The following GPC3 variants were observed in gnomAD, a reference collection of about 807,000 sequenced individuals.
The protein encoded by GPC3 is glypican 3.
A neutral mutation model predicts 34.4 loss-of-function variants in GPC3; 3 were observed. The observed-to-expected ratio is 0.09, with a 90% CI of 0.04 to 0.23. The LOEUF is 0.23. Among genes scored for constraint, GPC3 ranks in the 10% least tolerant of loss-of-function variants. The probability of loss-of-function intolerance (pLI) is 1.00; values close to 1 mark genes in which losing one functional copy is unlikely to be tolerated. For missense variants in GPC3, 351 were observed against 445.6 expected, an observed-to-expected ratio of 0.79 and a Z score of 1.91; for synonymous variants, 177 against 174.0, an observed-to-expected ratio of 1.02 and a Z score of -0.13.
At chrX:133,627,955 C>G (rs1006615077) in intron 6 of GPC3, among the ~76,000 whole-genome samples, 1 of 112,283 alleles carries the variant, frequency 8.9e-6, no homozygotes, top group African/African-American at 3.2e-5. Flanking sequence ...TTACAAGACT[C>G]CCTGTTTGCA....
chrX:133,827,944 CAAAAAAAAAAAA>C (rs760699432), intron 2 of GPC3, among the ~76,000 whole-genome samples: 9 of 36,025 alleles, frequency 2.5e-4, no homozygotes, highest in Non-Finnish European at 2.3e-4. Flanking sequence ...AACTCCATCC[CAAAAAAAAAAAA>C]AAAAAAAAAA....
intron 2 of GPC3, among the ~76,000 whole-genome samples, chrX:133,875,958 T>A (rs770997119): frequency 6.2e-4 from 69 of 111,765 alleles, no homozygotes; most frequent in African/African-American, 2.2e-3. Context: ...TCAGTATAAG[T>A]GCCTTGATTA....
At chrX:133,660,744 T>C (rs2070708366) in intron 6 of GPC3, among the ~76,000 whole-genome samples, 1 of 112,414 alleles carries the variant, frequency 8.9e-6, no homozygotes, top group Admixed American at 9.4e-5. Context: ...TAAAGCACTA[T>C]GTATGAGGAG....
chrX:133,590,525 A>T (rs1459749868), intron 7 of GPC3, among the ~76,000 whole-genome samples: 1 of 111,958 alleles, frequency 8.9e-6, no homozygotes, highest in Non-Finnish European at 1.9e-5. Context: ...GAGAATACTT[A>T]GGGAACTTTG....
At chrX:133,971,701 A>C (rs1243169838) in intron 1 of GPC3, among the ~76,000 whole-genome samples, 2 of 111,125 alleles carry the variant, frequency 1.8e-5, no homozygotes, top group African/African-American at 6.5e-5. Context: ...GGGAGAAAGG[A>C]AGATGCGGAG....
intron 6 of GPC3, among the ~76,000 whole-genome samples, chrX:133,597,242 T>TGAAA (rs1418276037): frequency 8.9e-6 from 1 of 111,936 alleles, no homozygotes; most frequent in Non-Finnish European, 1.9e-5. Context: ...CTCTGCGGTG[T>TGAAA]CTGGCTTTTC....
Position 133,661,765 on chromosome X carries a change from T to C in GPC3, c.1378A>G (p.Ser460Gly). The C allele has an allele frequency of 8.3e-7, 1 of 1,198,736 alleles. No individual in the cohort carries two copies. Among genetic ancestry groups the C allele is most frequent in the South Asian group, 1.8e-5 (1 of 56,559 alleles). ...LKMKGPEPVVSQIIDKLKHIN... is the reference protein window; with the variant it reads ...LKMKGPEPVVGQIIDKLKHIN... ...TGCTTCAGTTTGTCAATAATTTGACTGACCACTGGCTCAGGGCCCTTCATT... is the reference window on the plus strand; with the variant it reads ...TGCTTCAGTTTGTCAATAATTTGACCGACCACTGGCTCAGGGCCCTTCATT... Residue 460 changes from serine to glycine, a missense_variant, in exon 6 of 8, where the codon AGT becomes GGT. Coordinates refer to ENST00000370818, the MANE Select transcript of GPC3 (RefSeq NM_004484.4).
At chrX:133,795,483 A>T (rs894039232) in intron 2 of GPC3, among the ~76,000 whole-genome samples, 18 of 111,792 alleles carry the variant, frequency 1.6e-4, no homozygotes, top group African/African-American at 5.5e-4. Flanking sequence ...AGACAAGAGA[A>T]AATTTCCAGC....
intron 3 of GPC3, among the ~76,000 whole-genome samples, chrX:133,715,067 G>T (rs2071301834): frequency 8.9e-6 from 1 of 111,954 alleles, no homozygotes; most frequent in African/African-American, 3.2e-5. Context: ...AGTGGACTGG[G>T]AGAGGCAGAC....
chrX:133,594,822 C>T (rs1429723509), intron 7 of GPC3, among the ~76,000 whole-genome samples: 9 of 109,935 alleles, frequency 8.2e-5, no homozygotes, highest in African/African-American at 2.7e-4. Flanking sequence ...CAGTATTGTA[C>T]TGTACACTTA....
chrX:133,614,648 C>A lies in GPC3; in HGVS notation c.1414-18049G>T, dbSNP rs1226712049. Among the ~76,000 whole-genome samples the A allele has an allele frequency of 2.7e-5, 3 of 111,290 alleles. No homozygotes were observed. The Admixed American group carries it at 2.9e-4, about 11-fold the overall frequency. On this transcript the variant is annotated intron_variant, in intron 6 of 7. Transcript: ENST00000370818. Reference sequence around the variant, plus strand: ...GATGTAAAAGGACACTAGACAGTAACCCACACTGTAGGAAGAAATAAAGTA... The same window carrying A: ...GATGTAAAAGGACACTAGACAGTAAACCACACTGTAGGAAGAAATAAAGTA...
Position 133,770,948 on chromosome X carries a change from TG to T in GPC3, c.338-16773del, listed in dbSNP as rs761759836. On this transcript the variant is annotated intron_variant, in intron 2 of 7. Transcript: ENST00000370818. ...ACCCCCATTTAAATCTGGGAGGGGA[TG>T]GGGGGAAGGAGTGAATCAGAGGAAG... is the stretch of plus-strand genomic sequence containing the variant. Among the ~76,000 whole-genome samples, 21 of 111,221 alleles carry T rather than the reference TG, an allele frequency of 1.9e-4. 1 individual carries two copies. Among genetic ancestry groups the T allele is most frequent in the African/African-American group, 6.5e-4 (20 of 30,571 alleles).
chrX:133,641,240 C>A (rs1434286580), intron 6 of GPC3, among the ~76,000 whole-genome samples: 1 of 110,550 alleles, frequency 9.0e-6, no homozygotes, highest in African/African-American at 3.3e-5. Flanking sequence ...CTTTGGGAGG[C>A]CGAGGCAGGC....
chrX:133,731,071 G>A (rs1471286366), intron 3 of GPC3, among the ~76,000 whole-genome samples: 3 of 112,525 alleles, frequency 2.7e-5, no homozygotes, highest in African/African-American at 9.7e-5. Flanking sequence ...AAGGATAAGT[G>A]AGGATACTTT....
chrX:133,754,469 C>G (rs770664513), intron 2 of GPC3, among the ~76,000 whole-genome samples: 1 of 111,978 alleles, frequency 8.9e-6, no homozygotes, highest in South Asian at 3.7e-4. Flanking sequence ...AACATTTCGG[C>G]CTTTCATGAA....
chrX:133,632,598 T>C (rs1336558320), intron 6 of GPC3, among the ~76,000 whole-genome samples: 1 of 112,376 alleles, frequency 8.9e-6, no homozygotes. Context: ...AGTCCAACAC[T>C]ATGCTAGTTG....
intron 2 of GPC3, among the ~76,000 whole-genome samples, chrX:133,845,517 A>C (rs1282336900): frequency 3.6e-5 from 4 of 111,769 alleles, no homozygotes; most frequent in African/African-American, 1.3e-4. Flanking sequence ...CCCAGTAGCT[A>C]AACATAAGTA....
chrX:133,580,924 C>T (rs73239394), intron 7 of GPC3, among the ~76,000 whole-genome samples: 1 of 112,249 alleles, frequency 8.9e-6, no homozygotes, highest in Non-Finnish European at 1.9e-5. Context: ...TCCTCCCAAC[C>T]TCTGCCCATA....
intron 1 of GPC3, among the ~76,000 whole-genome samples, chrX:133,978,917 G>A (rs1266612721): frequency 2.7e-5 from 3 of 112,027 alleles, no homozygotes; most frequent in Admixed American, 9.5e-5. Context: ...AAACTTAGTT[G>A]CAAAAGGCAG....
Sources: gnomAD v4.1 joint callset for allele counts (sites outside exome capture counted in the v4.1 genomes callset) on GRCh38, gnomAD v4.1.1 for gene constraint, MANE v1.5 for transcripts, NCBI Gene and HGNC (gene_info 2026-07-23, HGNC 2026-07-21) for gene names.